Variants in FAM20A observed in about 807,000 individuals in gnomAD.
FAM20A encodes the protein pseudokinase FAM20A.
FAM20A carries 42 observed loss-of-function variants against 52.0 expected under a neutral mutation model. The observed-to-expected ratio is 0.81, with a 90% CI of 0.63 to 1.04. FAM20A has a LOEUF of 1.04. Ranked by LOEUF, FAM20A falls within the 50% of genes least tolerant of loss-of-function variation. The pLI is 0.00. For synonymous variants in FAM20A, 304 were observed against 298.9 expected (o/e 1.02, Z -0.18); for missense variants, 742 against 712.7 (o/e 1.04, Z -0.47).
At chr17:68,575,878 G>A (rs192368753) in intron 1 of FAM20A, among the ~76,000 whole-genome samples, 57 of 145,836 alleles carry the variant, frequency 3.9e-4, no homozygotes, top group Non-Finnish European at 6.1e-4. Context: ...AGGGCGTGAT[G>A]TTTAGGCACT....
chr17:68,597,141 C>T (rs2088474879), intron 1 of FAM20A, among the ~76,000 whole-genome samples: 1 of 151,146 alleles, frequency 6.6e-6, no homozygotes, highest in South Asian at 2.1e-4. Context: ...TAACCTACCT[C>T]TTATTGGTAA....
At position 68,600,629 on chromosome 17, in the gene FAM20A, A is replaced by G; in HGVS notation, c.38T>C (p.Leu13Pro). 1 of 1,560,788 alleles carries G rather than the reference A, an allele frequency of 6.4e-7. No individual in the cohort carries two copies. The highest frequency in any genetic ancestry group is 8.6e-7 in the Non-Finnish European group (1 of 1,158,628). ...GGCGGAGAGCAGCGCGCCCAGCAGCAGCAGAGTCAGTAGGCGGTCCCGGCG... is the reference window on the plus strand; with the variant it reads ...GGCGGAGAGCAGCGCGCCCAGCAGCGGCAGAGTCAGTAGGCGGTCCCGGCG... ...GLRRDRLLTL[L>P]LLGALLSADL... The change falls in exon 1 of 11, where the codon CTG becomes CCG. Residue 13 changes from leucine (L) to proline (P), a missense_variant. Coordinates refer to ENST00000592554, the MANE Select transcript of FAM20A (RefSeq NM_017565.4). The surrounding 1 kb of genome is among the most constrained non-coding windows in gnomAD (Gnocchi z 6.2).
chr17:68,577,095 C>G (rs2087793212), intron 1 of FAM20A, among the ~76,000 whole-genome samples: 1 of 152,232 alleles, frequency 6.6e-6, no homozygotes, highest in African/African-American at 2.4e-5. Context: ...TCCAAAACAT[C>G]TAGCTCCACA....
chr17:68,593,231 TCAG>T, intron 1 of FAM20A, among the ~76,000 whole-genome samples: 1 of 152,364 alleles, frequency 6.6e-6, no homozygotes, highest in Non-Finnish European at 1.5e-5. Flanking sequence ...CAAGCCTACT[TCAG>T]CAGAATCCGC....
At chr17:68,568,252 G>A (rs1164634260) in intron 1 of FAM20A, among the ~76,000 whole-genome samples, 3 of 151,806 alleles carry the variant, frequency 2.0e-5, no homozygotes, top group Non-Finnish European at 2.9e-5. Flanking sequence ...GGCGGATCAC[G>A]AGGTCAGGAG....
At position 68,540,932 on chromosome 17, in the gene FAM20A, T is replaced by C. The variant is rs1196020646; in HGVS notation, c.1136A>G (p.Asp379Gly). The part of the protein sequence containing the change: ...EEWEVNPLYC[D>G]TVKQIYPYNN... ...GTACGGGTAGATCTGTTTCACTGTG[T>C]CACAGTAAAGGGGATTGACCTCCCA... The change falls in exon 8 of 11, where the codon GAC (aspartate) becomes GGC (glycine). Residue 379 changes from aspartate to glycine, a missense_variant. Asp to Gly is a moderately conservative substitution (Grantham distance 94, BLOSUM62 -1). Coordinates refer to ENST00000592554, the MANE Select transcript of FAM20A (RefSeq NM_017565.4). 3.1e-6 allele frequency: 5 copies of C among 1,597,888 alleles called. No homozygotes were observed. The South Asian group carries it at 5.6e-5, about 18-fold the overall frequency.
At chr17:68,562,615 C>A (rs1020376752) in intron 1 of FAM20A, among the ~76,000 whole-genome samples, 1 of 151,750 alleles carries the variant, frequency 6.6e-6, no homozygotes, top group African/African-American at 2.4e-5. Context: ...TTTCCATCCC[C>A]CCCCCTTTTT....
intron 1 of FAM20A, among the ~76,000 whole-genome samples, chr17:68,574,573 C>T (rs112294541): frequency 6.6e-6 from 1 of 152,210 alleles, no homozygotes; most frequent in African/African-American, 2.4e-5. Flanking sequence ...GACAAGCATT[C>T]AAACCGTAAC....
At chr17:68,539,998 A>G in intron 8 of FAM20A, 32 bp from the exon 9 acceptor site, 2 of 1,602,182 alleles carry the variant, frequency 1.2e-6, no homozygotes, top group South Asian at 2.2e-5. Flanking sequence ...AGCTGGAACC[A>G]GCAGGCCAGG....
chr17:68,541,865 G>T, intron 7 of FAM20A, 120 bp downstream of exon 7: 1 of 1,187,116 alleles, frequency 8.4e-7, no homozygotes, highest in Non-Finnish European at 1.2e-6. Context: ...AATATGAAAT[G>T]GGGCAAAGGA....
chr17:68,550,868 G>A (rs1381593294), intron 4 of FAM20A, among the ~76,000 whole-genome samples: 9 of 152,202 alleles, frequency 5.9e-5, no homozygotes, highest in Non-Finnish European at 4.4e-5. Context: ...AGGTGCTTTC[G>A]CCAAAGCAGT....
At chr17:68,538,452 C>G (rs2086159352) in intron 10 of FAM20A, among the ~76,000 whole-genome samples, 2 of 152,202 alleles carry the variant, frequency 1.3e-5, no homozygotes, top group African/African-American at 4.8e-5. Flanking sequence ...GATGTTTTTG[C>G]TAGGTGTGAA....
intron 1 of FAM20A, chr17:68,590,025 G>A (rs188967042): frequency 6.6e-6 from 1 of 152,298 alleles, no homozygotes; most frequent in Admixed American, 6.5e-5. Context: ...AAACAAAGAT[G>A]AGAGGAGAAG....
chr17:68,586,404 G>C (rs1392048411), intron 1 of FAM20A, among the ~76,000 whole-genome samples: 2 of 152,214 alleles, frequency 1.3e-5, no homozygotes, highest in African/African-American at 4.8e-5. Context: ...TGGAACCTGT[G>C]AATGTGACTT....
At chr17:68,550,036 C>T (rs1363028071) in intron 4 of FAM20A, among the ~76,000 whole-genome samples, 1 of 152,122 alleles carries the variant, frequency 6.6e-6, no homozygotes, top group Non-Finnish European at 1.5e-5. Context: ...TGACTTTGCG[C>T]TGGTTTTACT....
chr17:68,584,956 A>T (rs1299310735), intron 1 of FAM20A, among the ~76,000 whole-genome samples: 1 of 152,226 alleles, frequency 6.6e-6, no homozygotes, highest in Non-Finnish European at 1.5e-5. Context: ...AGTTACGCTG[A>T]TAAAGTTAGG....
At chr17:68,584,347 C>CG (rs1229200212) in intron 1 of FAM20A, among the ~76,000 whole-genome samples, 7 of 124,716 alleles carry the variant, frequency 5.6e-5, no homozygotes, top group African/African-American at 2.0e-4. Context: ...CAAAACAAAA[C>CG]AAAAAAAAAA....
At chr17:68,540,077 T>G (rs1243630874) in intron 8 of FAM20A, 111 bp from the exon 9 acceptor site, 2 of 910,628 alleles carry the variant, frequency 2.2e-6, no homozygotes, top group Admixed American at 3.9e-5. Flanking sequence ...GAGACAGGGG[T>G]GTGAACGAAG....
intron 8 of FAM20A, chr17:68,540,590 C>G: frequency 1.7e-6 from 1 of 574,256 alleles, no homozygotes; most frequent in South Asian, 1.5e-5. Context: ...AGCTTCCAAT[C>G]TGACGCCCAC....
Sources: allele counts gnomAD v4.1 joint callset (sites outside exome capture counted in the v4.1 genomes callset), GRCh38; gene constraint gnomAD v4.1.1; non-coding constraint Gnocchi (gnomAD v3.1); transcripts MANE v1.5; gene names NCBI Gene and HGNC (gene_info 2026-07-23, HGNC 2026-07-21).